TXLNB: variants seen among roughly 807,000 people sequenced by gnomAD.
TXLNB encodes the protein taxilin beta, also known as beta-taxilin.
TXLNB carries 37 observed loss-of-function variants against 57.4 expected under a neutral mutation model. The observed-to-expected ratio is 0.64, with a 90% CI of 0.50 to 0.85. TXLNB has a LOEUF of 0.85. Ranked by LOEUF, TXLNB falls within the 40% of genes least tolerant of loss-of-function variation. The pLI is 0.00. For missense variants in TXLNB, 848 were observed against 825.6 expected, an observed-to-expected ratio of 1.03 and a Z score of -0.33; for synonymous variants, 302 against 309.6, an observed-to-expected ratio of 0.98 and a Z score of 0.26.
chr6:139,244,136 T>G (rs1441572638), intron 9 of TXLNB, among the ~76,000 whole-genome samples: 2 of 152,214 alleles, frequency 1.3e-5, no homozygotes, highest in African/African-American at 4.8e-5. Flanking sequence ...TTGGAGGAAT[T>G]AAAAAGATAT....
the TXLNB span, among the ~76,000 whole-genome samples, chr6:139,322,991 C>A: frequency 1.3e-5 from 2 of 152,160 alleles, no homozygotes; most frequent in African/African-American, 4.8e-5. Flanking sequence ...TCTAAATGTC[C>A]ATTTCCCTAA....
chr6:139,255,220 C>T (rs528644982), intron 7 of TXLNB, among the ~76,000 whole-genome samples: 3 of 152,140 alleles, frequency 2.0e-5, no homozygotes, highest in South Asian at 2.1e-4. Flanking sequence ...TTTCTTCTTA[C>T]CTTAACAGGG....
At chr6:139,302,923 C>CA in the TXLNB span, among the ~76,000 whole-genome samples, 37 of 152,116 alleles carry the variant, frequency 2.4e-4, no homozygotes, top group African/African-American at 8.9e-4. Context: ...CAGATTTCTG[C>CA]AAAAAAATTG....
chr6:139,221,879 G>A, the TXLNB span, among the ~76,000 whole-genome samples: 1 of 152,008 alleles, frequency 6.6e-6, no homozygotes, highest in African/African-American at 2.4e-5. Context: ...GCCAGGAAGT[G>A]GCAAAATAAT....
chr6:139,167,798 A>C, the TXLNB span, among the ~76,000 whole-genome samples: 1 of 152,188 alleles, frequency 6.6e-6, no homozygotes, highest in East Asian at 1.9e-4. Context: ...TAGCAGCAAA[A>C]GGTAAACAGG....
chr6:139,275,257 AT>A (rs1162536766), intron 3 of TXLNB, among the ~76,000 whole-genome samples: 4 of 152,242 alleles, frequency 2.6e-5, no homozygotes, highest in Non-Finnish European at 5.9e-5. Context: ...TATTCAAATT[AT>A]TGAATCAGTA....
At chr6:139,244,991 C>T (rs1024440962) in intron 8 of TXLNB, among the ~76,000 whole-genome samples, 1 of 152,160 alleles carries the variant, frequency 6.6e-6, no homozygotes, top group Non-Finnish European at 1.5e-5. Flanking sequence ...TATGGAGTTC[C>T]ATGAACAAGC....
rs1376871948 is a variant in TXLNB at position 139,281,729 on chromosome 6, T to C, written c.425-4808A>G. 7.3e-5 allele frequency among the ~76,000 whole-genome samples: 8 copies of C among 110,234 alleles called. 3 individuals are homozygous for C. The highest frequency in any genetic ancestry group is 4.8e-4 in the African/African-American group (8 of 16,656). 72.3% of individuals were successfully genotyped at this position (110,234 alleles called of 152,430 possible). Reference sequence around the variant, plus strand: ...ACGCCCGGCTAATTTTTTGTATTTTTAGTAGAGACGGGTTTTCACCGTGTT... The same window carrying C: ...ACGCCCGGCTAATTTTTTGTATTTTCAGTAGAGACGGGTTTTCACCGTGTT... On this transcript the variant is annotated intron_variant, in intron 2 of 9. Coordinates refer to ENST00000358430, the MANE Select transcript of TXLNB (RefSeq NM_153235.4).
chr6:139,243,270 G>A lies in TXLNB; in HGVS notation c.1311C>T (p.Ile437=), dbSNP rs1396707571. 3 of 1,612,954 alleles carry A rather than the reference G, an allele frequency of 1.9e-6. No homozygotes were observed. The highest frequency in any genetic ancestry group is 2.5e-6 in the Non-Finnish European group (3 of 1,179,956). The change falls in exon 10 of 10, where the codon ATC becomes ATT. Residue 437 remains isoleucine, a synonymous_variant. Transcript: ENST00000358430. The part of the protein sequence containing the change: ...AKEYECFVMK[I]GRLENLCRAL... ...CACGGCAGAGGTTCTCTAGCCTCCC[G>A]ATTTTCATCACAAAGCACTCATATT... is the stretch of plus-strand genomic sequence containing the variant.
chr6:139,296,356 T>C (rs965822631), upstream of TXLNB, among the ~76,000 whole-genome samples: 1 of 152,208 alleles, frequency 6.6e-6, no homozygotes, highest in Admixed American at 6.5e-5. Context: ...CATATTATTT[T>C]CCCCTGTCTT....
At chr6:139,312,832 A>G in the TXLNB span, among the ~76,000 whole-genome samples, 31 of 152,208 alleles carry the variant, frequency 2.0e-4, no homozygotes, top group African/African-American at 7.2e-4. Flanking sequence ...GATGACTGTA[A>G]GTCCTTAAAG....
In TXLNB at chr6:139,241,085, GGT is replaced by G. The variant is rs1172813758; in HGVS notation, c.*1439_*1440del. 1 of 152,054 alleles carries G rather than the reference GGT, an allele frequency of 6.6e-6. No individual in the cohort carries two copies. Among genetic ancestry groups the G allele is most frequent in the Non-Finnish European group, 1.5e-5 (1 of 68,028 alleles). The allele number at this position is 152,054 out of a possible 1,614,324, so 9.4% of individuals were successfully genotyped here. ...AATTTATGTTGTCAGTATCATTAGA[GGT>G]TCTCATCAAGCAATGTTAATGTAAT... On this transcript the variant is annotated 3_prime_UTR_variant, in exon 10 of 10. Transcript: ENST00000358430.
chr6:139,293,753 C>A (rs577517658), upstream of TXLNB, among the ~76,000 whole-genome samples: 14 of 151,992 alleles, frequency 9.2e-5, no homozygotes, highest in Admixed American at 5.9e-4. Flanking sequence ...GTGCACCCAA[C>A]AAGCAGAAGT....
the TXLNB span, among the ~76,000 whole-genome samples, chr6:139,318,251 C>G: frequency 1.7e-5 from 2 of 114,928 alleles, no homozygotes; most frequent in African/African-American, 3.5e-5. Context: ...GCCTGAGTGA[C>G]AGAGTGAGAC....
Position 139,242,240 on chromosome 6 carries a change from ATTATC to A in TXLNB, c.*281_*285del, listed in dbSNP as rs576915867. On this transcript the variant is annotated 3_prime_UTR_variant, in exon 10 of 10. Transcript: ENST00000358430. Reference sequence around the variant, plus strand: ...TTACTGGTGATTAACAAATTTAAGTATTATCTTAACAGAAAAGGAATATAAATTTG... The same window carrying A: ...TTACTGGTGATTAACAAATTTAAGTATTAACAGAAAAGGAATATAAATTTG... 8 of 260,940 alleles carry A rather than the reference ATTATC, an allele frequency of 3.1e-5. No homozygotes were observed. The South Asian group carries it at 5.2e-4, about 17-fold the overall frequency. 16.2% of individuals were successfully genotyped at this position (260,940 alleles called of 1,614,324 possible). A position where few individuals can be genotyped will look rare whatever the true frequency, so the allele number is the denominator to read the frequency against.
intron 4 of TXLNB, among the ~76,000 whole-genome samples, chr6:139,266,016 T>G (rs188961386): frequency 6.6e-6 from 1 of 152,332 alleles, no homozygotes; most frequent in East Asian, 1.9e-4. Flanking sequence ...TGCAAAGCAG[T>G]CTAGCTAAGT....
At chr6:139,246,307 A>T (rs1235367399) in intron 8 of TXLNB, among the ~76,000 whole-genome samples, 1 of 152,248 alleles carries the variant, frequency 6.6e-6, no homozygotes, top group Non-Finnish European at 1.5e-5. Context: ...GGAGAACTGT[A>T]ACATTTAACA....
chr6:139,246,986 A>T (rs531036638), intron 8 of TXLNB, among the ~76,000 whole-genome samples: 11 of 152,264 alleles, frequency 7.2e-5, no homozygotes, highest in African/African-American at 2.6e-4. Flanking sequence ...GAGCAAGAAC[A>T]CACCAGAATT....
At chr6:139,185,525 C>A in the TXLNB span, among the ~76,000 whole-genome samples, 2 of 152,080 alleles carry the variant, frequency 1.3e-5, no homozygotes, top group Non-Finnish European at 2.9e-5. Context: ...CACGGTGAAA[C>A]CCCGTCTCTA....
Sources: gnomAD v4.1 joint callset for allele counts (sites outside exome capture counted in the v4.1 genomes callset) on GRCh38, gnomAD v4.1.1 for gene constraint, MANE v1.5 for transcripts, NCBI Gene and HGNC (gene_info 2026-07-23, HGNC 2026-07-21) for gene names.